ERGIC1: variants seen among roughly 807,000 people sequenced by gnomAD.
ERGIC1 encodes the protein endoplasmic reticulum-golgi intermediate compartment 1.
In ERGIC1, 19 loss-of-function variants were observed where a neutral mutation model predicts 38.3. The observed-to-expected ratio is 0.50, with a 90% confidence interval of 0.35 to 0.73. The LOEUF (loss-of-function observed/expected upper bound fraction) is 0.73. Ranked by LOEUF, ERGIC1 falls within the 30% of genes least tolerant of loss-of-function variation. ERGIC1 has a pLI of 0.01. For synonymous variants in ERGIC1, 124 were observed against 157.6 expected, an observed-to-expected ratio of 0.79 and a Z score of 1.60; for missense variants, 294 against 389.2, an observed-to-expected ratio of 0.76 and a Z score of 2.06.
chr5:172,949,634 A>G (rs1017647587), intron 9 of ERGIC1, among the ~76,000 whole-genome samples: 1 of 142,690 alleles, frequency 7.0e-6, no homozygotes, highest in South Asian at 2.3e-4. Context: ...GTTTGGAGAC[A>G]TTGTGGTTGT....
intron 8 of ERGIC1, chr5:172,934,985 A>G (rs1763855805): frequency 1.6e-6 from 1 of 631,904 alleles, no homozygotes; most frequent in Admixed American, 2.8e-5. Context: ...AACCAAGGGT[A>G]TCAAAAATGC....
chr5:172,854,978 G>C (rs2113058708), intron 1 of ERGIC1, among the ~76,000 whole-genome samples: 1 of 152,282 alleles, frequency 6.6e-6, no homozygotes. Flanking sequence ...ACAACCTTAA[G>C]TGAGGCCTTG....
chr5:172,872,278 C>T lies in ERGIC1; in HGVS notation c.21-16421C>T, dbSNP rs114151960. ...TGTCTCTACACAGTCTTTCCTGAAC[C>T]TCAGTTTTATTTTTCTGTAAAAATG... On this transcript the variant is annotated intron_variant, in intron 1 of 9. Transcript: ENST00000393784. Among the ~76,000 whole-genome samples, 816 of 152,294 alleles carry T rather than the reference C, an allele frequency of 5.4e-3. 7 individuals carry two copies. The highest frequency in any genetic ancestry group is 0.018 in the African/African-American group (759 of 41,554).
intron 1 of ERGIC1, among the ~76,000 whole-genome samples, chr5:172,885,455 G>A (rs971958850): frequency 1.3e-5 from 2 of 152,070 alleles, no homozygotes; most frequent in East Asian, 3.9e-4. Context: ...TTTTTAAACT[G>A]CGAGGCCCAG....
At chr5:172,859,731 C>T (rs998225152) in intron 1 of ERGIC1, among the ~76,000 whole-genome samples, 7 of 152,318 alleles carry the variant, frequency 4.6e-5, no homozygotes, top group South Asian at 4.1e-4. Flanking sequence ...TGCTATCCTC[C>T]GCAGGTGCCC....
chr5:172,926,659 T>G lies in ERGIC1; in HGVS notation c.541+90T>G. Reference sequence around the variant, plus strand: ...GAGGGCAGAGAGGTGGGGGTGCCTGTCCAGCACCCACTCCAAGGCAGGGAG... The same window carrying G: ...GAGGGCAGAGAGGTGGGGGTGCCTGGCCAGCACCCACTCCAAGGCAGGGAG... On this transcript the variant is annotated intron_variant, in intron 7 of 9. Transcript: ENST00000393784. This position sits in a 1 kb window ranked among gnomAD's most constrained non-coding sequence, Gnocchi z 5.2. 9 of 1,408,574 alleles carry G rather than the reference T, an allele frequency of 6.4e-6. No homozygotes were observed. The highest frequency in any genetic ancestry group is 2.3e-5 in the East Asian group (1 of 43,722). The allele number at this position is 1,408,574 out of a possible 1,614,324, so 87.3% of individuals were successfully genotyped here.
At chr5:172,853,830 G>C (rs752757275) in intron 1 of ERGIC1, among the ~76,000 whole-genome samples, 27 of 152,188 alleles carry the variant, frequency 1.8e-4, no homozygotes, top group Non-Finnish European at 3.7e-4. Context: ...GGAGAGAGTG[G>C]TGCCCACCTC....
intron 9 of ERGIC1, among the ~76,000 whole-genome samples, chr5:172,943,853 T>G (rs538642277): frequency 1.3e-5 from 2 of 152,316 alleles, no homozygotes; most frequent in East Asian, 3.9e-4. Context: ...AAACAGGCAT[T>G]TAGTTCCCGC....
At chr5:172,904,109 T>C (rs1319214850) in intron 3 of ERGIC1, among the ~76,000 whole-genome samples, 1 of 152,226 alleles carries the variant, frequency 6.6e-6, no homozygotes, top group African/African-American at 2.4e-5. Flanking sequence ...CTTATTTTCC[T>C]CTTTTTCTCT....
In ERGIC1 at chr5:172,937,786, CTGAGGTCAGGAG is replaced by C; in HGVS notation, c.765+2478_765+2489del. On this transcript the variant is annotated intron_variant, in intron 9 of 9. Coordinates refer to ENST00000393784, the MANE Select transcript of ERGIC1 (RefSeq NM_001031711.3). ...TGGGAGGCCGAGGCGGGCAGATCAC[CTGAGGTCAGGAG>C]TTCAAGACCAGCCTAGCCAACATGA... 2.0e-5 allele frequency: 3 copies of C among 152,166 alleles called. No homozygotes were observed. In the Middle Eastern group the frequency reaches 0.01, roughly 518 times the overall value. The allele number at this position is 152,166 out of a possible 1,614,324, so 9.4% of individuals were successfully genotyped here. A position where few individuals can be genotyped will look rare whatever the true frequency, so the allele number is the denominator to read the frequency against.
chr5:172,947,679 A>C (rs999199296), intron 9 of ERGIC1, among the ~76,000 whole-genome samples: 2 of 152,182 alleles, frequency 1.3e-5, no homozygotes, highest in African/African-American at 4.8e-5. Context: ...TGACTGAGCC[A>C]GTTGCATAGC....
chr5:172,854,301 G>C (rs1761486673), intron 1 of ERGIC1, among the ~76,000 whole-genome samples: 1 of 152,144 alleles, frequency 6.6e-6, no homozygotes, highest in South Asian at 2.1e-4. Context: ...AGGATCACTT[G>C]AGCCCGGGAG....
At position 172,926,479 on chromosome 5, in the gene ERGIC1, G is replaced by A. The variant is rs924061711; in HGVS notation, c.481-30G>A. The A allele has an allele frequency of 6.2e-7, 1 of 1,613,604 alleles. No individual in the cohort carries two copies. The highest frequency in any genetic ancestry group is 8.5e-7 in the Non-Finnish European group (1 of 1,179,900). Reference sequence around the variant, plus strand: ...AGGCCTGGAGGTGGAGGTGTCCTGGGGACCATCCCCTCACTGCATTTTTCC... The same window carrying A: ...AGGCCTGGAGGTGGAGGTGTCCTGGAGACCATCCCCTCACTGCATTTTTCC... On this transcript the variant is annotated intron_variant, in intron 6 of 9. Transcript: ENST00000393784. This position sits in a 1 kb window ranked among gnomAD's most constrained non-coding sequence, Gnocchi z 5.2.
In ERGIC1 at chr5:172,926,725, A is replaced by G; in HGVS notation, c.541+156A>G. 3.8e-6 allele frequency: 3 copies of G among 785,990 alleles called. No homozygotes were observed. The allele number at this position is 785,990 out of a possible 1,614,324, so 48.7% of individuals were successfully genotyped here. ...CCATTCCCACAGCTAACCAGTGGGA[A>G]GGTGGACCCAGCCCCGTCCAGACCC... is the stretch of plus-strand genomic sequence containing the variant. On this transcript the variant is annotated intron_variant, in intron 7 of 9. Transcript: ENST00000393784. The surrounding 1 kb of genome is among the most constrained non-coding windows in gnomAD (Gnocchi z 5.2).
At chr5:172,937,314 A>C (rs1763906976) in intron 9 of ERGIC1, 1 of 142,298 alleles carries the variant, frequency 7.0e-6, no homozygotes. Flanking sequence ...AGGAGGTGAT[A>C]TTGGCAGTGA....
chr5:172,871,100 G>A (rs1263630481), intron 1 of ERGIC1, among the ~76,000 whole-genome samples: 1 of 152,262 alleles, frequency 6.6e-6, no homozygotes, highest in Non-Finnish European at 1.5e-5. Flanking sequence ...CATGCTCAGT[G>A]ACATCAATCA....
intron 5 of ERGIC1, chr5:172,916,390 C>G (rs1418426421): frequency 6.6e-6 from 1 of 152,068 alleles, no homozygotes; most frequent in Non-Finnish European, 1.5e-5. Flanking sequence ...TGCCATGCCC[C>G]GTAATTTGGA....
chr5:172,949,777 T>C (rs1764194475), intron 9 of ERGIC1, among the ~76,000 whole-genome samples: 1 of 152,138 alleles, frequency 6.6e-6, no homozygotes, highest in African/African-American at 2.4e-5. Context: ...ATTAGAAACC[T>C]TGCCCTGGCC....
At chr5:172,904,137 CTTCCT>C (rs1189278392) in intron 3 of ERGIC1, among the ~76,000 whole-genome samples, 1 of 152,100 alleles carries the variant, frequency 6.6e-6, no homozygotes, top group Non-Finnish European at 1.5e-5. Context: ...TCTCTCCCTC[CTTCCT>C]TTCCTTTCTT....
Sources: gnomAD v4.1 joint callset for allele counts (sites outside exome capture counted in the v4.1 genomes callset) on GRCh38, gnomAD v4.1.1 for gene constraint, Gnocchi (gnomAD v3.1) non-coding constraint, MANE v1.5 for transcripts, NCBI Gene and HGNC (gene_info 2026-07-23, HGNC 2026-07-21) for gene names.